SLC5A3: variants seen among roughly 807,000 people sequenced by gnomAD.
The protein encoded by SLC5A3 is sodium/myo-inositol cotransporter.
In SLC5A3, 10 loss-of-function variants were observed where a neutral mutation model predicts 43.2. The observed-to-expected ratio is 0.23, with a 90% CI of 0.14 to 0.39. The LOEUF is 0.39. SLC5A3 is among the 10% of genes least tolerant of loss of function. The pLI, the probability that SLC5A3 is intolerant of heterozygous loss-of-function variation, is 1.00. For missense variants in SLC5A3, 608 were observed against 893.4 expected (o/e 0.68, Z 4.07); for synonymous variants, 349 against 322.0 (o/e 1.08, Z -0.90).
chr21:34,079,386 G>T (rs995009890), intron 1 of SLC5A3, among the ~76,000 whole-genome samples: 62 of 151,844 alleles, frequency 4.1e-4, no homozygotes, highest in African/African-American at 1.5e-3. Flanking sequence ...ATTTTTCTTG[G>T]CTTCTTATGC....
In SLC5A3 at chr21:34,103,958, T is replaced by C; in HGVS notation, c.*6603T>C. Reference sequence around the variant, plus strand: ...CAGGTGACATATTTCTGTTTTAAGCTGTAGTGTGATTGGGGTTTTTTGTAA... The same window carrying C: ...CAGGTGACATATTTCTGTTTTAAGCCGTAGTGTGATTGGGGTTTTTTGTAA... On this transcript the variant is annotated 3_prime_UTR_variant, in exon 2 of 2. Coordinates refer to ENST00000381151, the MANE Select transcript of SLC5A3 (RefSeq NM_006933.7). The C allele has an allele frequency of 1.0e-6, 1 of 1,000,194 alleles. No individual in the cohort carries two copies. The highest frequency in any genetic ancestry group is 1.2e-6 in the Non-Finnish European group (1 of 829,938). 62.0% of individuals were successfully genotyped at this position (1,000,194 alleles called of 1,614,324 possible). A position where few individuals can be genotyped will look rare whatever the true frequency, so the allele number is the denominator to read the frequency against.
At chr21:34,074,948 C>T (rs1989290624) in intron 1 of SLC5A3, among the ~76,000 whole-genome samples, 1 of 152,182 alleles carries the variant, frequency 6.6e-6, no homozygotes, top group South Asian at 2.1e-4. Context: ...GTCCAGACAG[C>T]CTGGCCAGGC....
At chr21:34,080,891 C>T (rs945007014) in intron 1 of SLC5A3, among the ~76,000 whole-genome samples, 3 of 152,212 alleles carry the variant, frequency 2.0e-5, no homozygotes, top group African/African-American at 4.8e-5. Flanking sequence ...CAGTGCACTT[C>T]GCTCACGCTG....
At position 34,100,706 on chromosome 21, in the gene SLC5A3, G is replaced by A. The variant is rs892952656; in HGVS notation, c.*3351G>A. On this transcript the variant is annotated 3_prime_UTR_variant, in exon 2 of 2. Coordinates refer to ENST00000381151, the MANE Select transcript of SLC5A3 (RefSeq NM_006933.7). ...ATGCACTTCTGTAACTTGAGGCTAA[G>A]CAAGGGGTTAACTCTTGTGAGAGCC... 1.0e-6 allele frequency: 1 copy of A among 1,000,098 alleles called. No individual in the cohort carries two copies. The highest frequency in any genetic ancestry group is 1.7e-5 in the African/African-American group (1 of 57,204). The allele number at this position is 1,000,098 out of a possible 1,614,324, so 62.0% of individuals were successfully genotyped here. A position where few individuals can be genotyped will look rare whatever the true frequency, so the allele number is the denominator to read the frequency against.
In SLC5A3 at chr21:34,106,250, T is replaced by C. The variant is rs1198713627; in HGVS notation, c.*8895T>C. 1.2e-6 allele frequency: 1 copy of C among 849,794 alleles called. No individual in the cohort carries two copies. Among genetic ancestry groups the C allele is most frequent in the Non-Finnish European group, 1.4e-6 (1 of 692,850 alleles). 52.6% of individuals were successfully genotyped at this position (849,794 alleles called of 1,614,324 possible). ...AATTCTGTACCAACTTTGAATAAAA[T>C]GAAAAATTTATATTTCTGTGACTAA... On this transcript the variant is annotated 3_prime_UTR_variant, in exon 2 of 2. Transcript: ENST00000381151.
At position 34,106,218 on chromosome 21, in the gene SLC5A3, T is replaced by C; in HGVS notation, c.*8863T>C. 1.0e-6 allele frequency: 1 copy of C among 963,542 alleles called. No individual in the cohort carries two copies. Among genetic ancestry groups the C allele is most frequent in the South Asian group, 4.9e-5 (1 of 20,548 alleles). The allele number at this position is 963,542 out of a possible 1,614,324, so 59.7% of individuals were successfully genotyped here. A position where few individuals can be genotyped will look rare whatever the true frequency, so the allele number is the denominator to read the frequency against. ...AAGTATAGTAATTATTTTATGGAAA[T>C]GTTAGCAATTCTGTACCAACTTTGA... On this transcript the variant is annotated 3_prime_UTR_variant, in exon 2 of 2. Transcript: ENST00000381151.
chr21:34,106,161 A>T lies in SLC5A3; in HGVS notation c.*8806A>T, dbSNP rs2148663321. 1 of 991,412 alleles carries T rather than the reference A, an allele frequency of 1.0e-6. No homozygotes were observed. The highest frequency in any genetic ancestry group is 1.7e-5 in the African/African-American group (1 of 57,182). 61.4% of individuals were successfully genotyped at this position (991,412 alleles called of 1,614,324 possible). ...ATGAACTACATTTCTTGCAAAGTAC[A>T]TTCCTTTCTGTGGTATTTTGTCCTG... is the stretch of plus-strand genomic sequence containing the variant. On this transcript the variant is annotated 3_prime_UTR_variant, in exon 2 of 2. Coordinates refer to ENST00000381151, the MANE Select transcript of SLC5A3 (RefSeq NM_006933.7).
Position 34,100,434 on chromosome 21 carries a change from C to T in SLC5A3, c.*3079C>T, listed in dbSNP as rs565473656. 7.0e-6 allele frequency: 7 copies of T among 1,000,196 alleles called. No individual in the cohort carries two copies. The highest frequency in any genetic ancestry group is 8.4e-6 in the Non-Finnish European group (7 of 829,972). The allele number at this position is 1,000,196 out of a possible 1,614,324, so 62.0% of individuals were successfully genotyped here. A position where few individuals can be genotyped will look rare whatever the true frequency, so the allele number is the denominator to read the frequency against. Reference sequence around the variant, plus strand: ...CTATTCTTTCCTGGGGGTAATTATGCTTTGTCTTTAGATTAGAGAAGCATC... The same window carrying T: ...CTATTCTTTCCTGGGGGTAATTATGTTTTGTCTTTAGATTAGAGAAGCATC... On this transcript the variant is annotated 3_prime_UTR_variant, in exon 2 of 2. Transcript: ENST00000381151.
chr21:34,096,492 A>T lies in SLC5A3; in HGVS notation c.1294A>T (p.Met432Leu). The T allele has an allele frequency of 6.2e-7, 1 of 1,614,146 alleles. No homozygotes were observed. The highest frequency in any genetic ancestry group is 8.5e-7 in the Non-Finnish European group (1 of 1,180,020). ...SIAWVPIIVE[M>L]QGGQMYLYIQ... Reference sequence around the variant, plus strand: ...AGCATGGGTGCCAATCATCGTGGAGATGCAAGGAGGCCAGATGTACCTTTA... The same window carrying T: ...AGCATGGGTGCCAATCATCGTGGAGTTGCAAGGAGGCCAGATGTACCTTTA... The change falls in exon 2 of 2, where the codon ATG (methionine) becomes TTG (leucine). Residue 432 changes from methionine to leucine, a missense_variant. By Grantham distance (15) the Met-to-Leu change is conservative (BLOSUM62 2). This residue lies in a region of SLC5A3 where 398 missense variants were observed against 668.6 expected (regional missense o/e 0.60). Coordinates refer to ENST00000381151, the MANE Select transcript of SLC5A3 (RefSeq NM_006933.7). This position sits in a 1 kb window ranked among gnomAD's most constrained non-coding sequence, Gnocchi z 5.9.
chr21:34,074,539 T>C (rs1187123161), intron 1 of SLC5A3, among the ~76,000 whole-genome samples: 1 of 152,174 alleles, frequency 6.6e-6, no homozygotes, highest in Non-Finnish European at 1.5e-5. Context: ...GGTGACGGCG[T>C]GGCCAAGGAC....
At chr21:34,085,957 A>T (rs1329165016) in intron 1 of SLC5A3, among the ~76,000 whole-genome samples, 1 of 152,174 alleles carries the variant, frequency 6.6e-6, no homozygotes, top group Non-Finnish European at 1.5e-5. Flanking sequence ...ACAATTCCTT[A>T]ACACCTCATG....
chr21:34,094,817 A>AC (rs138417271), intron 1 of SLC5A3, 46 bp from the exon 2 acceptor site: 173,223 of 173,234 alleles, frequency 1, 86,606 homozygotes, highest in Middle Eastern at 1. Flanking sequence ...ACGTGGCGAG[A>AC]CCTCCTCTAC....
At chr21:34,074,849 A>G (rs142738528) in intron 1 of SLC5A3, among the ~76,000 whole-genome samples, 66 of 152,328 alleles carry the variant, frequency 4.3e-4, no homozygotes, top group African/African-American at 1.5e-3. Flanking sequence ...TCAATTGATA[A>G]ACTAACAATC....
In SLC5A3 at chr21:34,102,948, C is replaced by T; in HGVS notation, c.*5593C>T. 1 of 999,800 alleles carries T rather than the reference C, an allele frequency of 1.0e-6. No homozygotes were observed. The highest frequency in any genetic ancestry group is 1.2e-6 in the Non-Finnish European group (1 of 829,892). 61.9% of individuals were successfully genotyped at this position (999,800 alleles called of 1,614,324 possible). ...CCTAATTTATCTTGGTAAATTCACC[C>T]TGTTTCCTAGTGCTGCTGGATAAAA... On this transcript the variant is annotated 3_prime_UTR_variant, in exon 2 of 2. Transcript: ENST00000381151.
chr21:34,099,687 TAGTA>T lies in SLC5A3; in HGVS notation c.*2335_*2338del. ...CTCTACCTTCTTTCTGCTCTTGTCTTAGTAAGATACATAAGGTACATCATCTTGT... is the reference window on the plus strand; with the variant it reads ...CTCTACCTTCTTTCTGCTCTTGTCTTAGATACATAAGGTACATCATCTTGT... On this transcript the variant is annotated 3_prime_UTR_variant, in exon 2 of 2. Coordinates refer to ENST00000381151, the MANE Select transcript of SLC5A3 (RefSeq NM_006933.7). 1.0e-6 allele frequency: 1 copy of T among 998,172 alleles called. No homozygotes were observed. Among genetic ancestry groups the T allele is most frequent in the Non-Finnish European group, 1.2e-6 (1 of 829,614 alleles). 61.8% of individuals were successfully genotyped at this position (998,172 alleles called of 1,614,324 possible).
chr21:34,084,593 T>C (rs555628766), intron 1 of SLC5A3, among the ~76,000 whole-genome samples: 3 of 152,282 alleles, frequency 2.0e-5, no homozygotes, highest in African/African-American at 7.2e-5. Flanking sequence ...CACACACACA[T>C]ATGTACAATT....
chr21:34,082,986 GC>G (rs1182434949), intron 1 of SLC5A3, among the ~76,000 whole-genome samples: 4 of 152,166 alleles, frequency 2.6e-5, no homozygotes, highest in Non-Finnish European at 5.9e-5. Context: ...CACAGACTTA[GC>G]AAAACTTTCT....
Position 34,105,663 on chromosome 21 carries a change from A to T in SLC5A3, c.*8308A>T, listed in dbSNP as rs1366159790. 2 of 998,422 alleles carry T rather than the reference A, an allele frequency of 2.0e-6. No individual in the cohort carries two copies. The highest frequency in any genetic ancestry group is 1.7e-5 in the African/African-American group (1 of 57,184). The allele number at this position is 998,422 out of a possible 1,614,324, so 61.8% of individuals were successfully genotyped here. On this transcript the variant is annotated 3_prime_UTR_variant, in exon 2 of 2. Coordinates refer to ENST00000381151, the MANE Select transcript of SLC5A3 (RefSeq NM_006933.7). ...TGTAGGCCAAATGTGATTATAAATG[A>T]AGTTGATGAACATTAATTTTGTTAT...
Position 34,097,641 on chromosome 21 carries a change from G to A in SLC5A3, c.*286G>A, listed in dbSNP as rs1465410004. 1 of 1,133,108 alleles carries A rather than the reference G, an allele frequency of 8.8e-7. No individual in the cohort carries two copies. The highest frequency in any genetic ancestry group is 5.9e-5 in the East Asian group (1 of 17,018). 70.2% of individuals were successfully genotyped at this position (1,133,108 alleles called of 1,614,324 possible). On this transcript the variant is annotated 3_prime_UTR_variant, in exon 2 of 2. Coordinates refer to ENST00000381151, the MANE Select transcript of SLC5A3 (RefSeq NM_006933.7). ...ACCAATTATTCTCACAGAGCACTTA[G>A]AGCAGAATATATGTTAAGTTACCAT...
Sources: gnomAD v4.1 joint callset for allele counts (sites outside exome capture counted in the v4.1 genomes callset) on GRCh38, gnomAD v4.1.1 for gene constraint, gnomAD v4.1.1 regional missense constraint, Gnocchi (gnomAD v3.1) non-coding constraint, MANE v1.5 for transcripts, NCBI Gene and HGNC (gene_info 2026-07-23, HGNC 2026-07-21) for gene names.